The following MN1 variants were observed in gnomAD, a reference collection of about 807,000 sequenced individuals.
MN1 encodes the protein MN1 proto-oncogene, transcriptional regulator, also known as transcriptional activator MN1.
In MN1, 19 loss-of-function variants were observed where a neutral mutation model predicts 86.9. The ratio of observed to expected loss-of-function variants is 0.22; its 90% CI spans 0.15 to 0.32. The LOEUF is 0.32. MN1 is among the 10% of genes least tolerant of loss of function. The pLI is 1.00. For missense variants in MN1, 1,841 were observed against 1,862.0 expected, an observed-to-expected ratio of 0.99 and a Z score of 0.21; for synonymous variants, 928 against 849.6, an observed-to-expected ratio of 1.09 and a Z score of -1.60.
At chr22:27,791,565 C>T (rs532886510) in intron 1 of MN1, among the ~76,000 whole-genome samples, 2 of 152,154 alleles carry the variant, frequency 1.3e-5, no homozygotes, top group East Asian at 3.9e-4. Flanking sequence ...TGCAGCCCCC[C>T]ACCCCCTCCG....
At chr22:27,758,933 C>T (rs1157263306) in intron 1 of MN1, among the ~76,000 whole-genome samples, 1 of 152,206 alleles carries the variant, frequency 6.6e-6, no homozygotes, top group Non-Finnish European at 1.5e-5. Context: ...TCAAGCAATA[C>T]TCCCACCTCA....
At position 27,796,860 on chromosome 22, in the gene MN1, G is replaced by A; in HGVS notation, c.3684C>T (p.Tyr1228=). Residue 1228 remains tyrosine, a synonymous_variant, in exon 1 of 2, where the codon TAC becomes TAT. Coordinates refer to ENST00000302326, the MANE Select transcript of MN1 (RefSeq NM_002430.3). ...CCACCAGGGCCTTGTCAGCGGGCAT[G>A]TACCAGGCAGCGCTGTGCTCTGCCA... ...SLMAEHSAAW[Y]MPADKALVDS... The A allele has an allele frequency of 6.2e-7, 1 of 1,613,058 alleles. No individual in the cohort carries two copies. The highest frequency in any genetic ancestry group is 1.1e-5 in the South Asian group (1 of 91,082).
rs567717379 is a variant in MN1 at position 27,750,065 on chromosome 22, G to A, written c.*850C>T. Reference sequence around the variant, plus strand: ...CACAGCGTGAAAATGCAGGGCCTGGGCATTTGCGAGGAGGCCCAGAAAAGG... The same window carrying A: ...CACAGCGTGAAAATGCAGGGCCTGGACATTTGCGAGGAGGCCCAGAAAAGG... On this transcript the variant is annotated 3_prime_UTR_variant, in exon 2 of 2. Coordinates refer to ENST00000302326, the MANE Select transcript of MN1 (RefSeq NM_002430.3). 2.6e-5 allele frequency: 6 copies of A among 232,032 alleles called. No homozygotes were observed. In the East Asian group the frequency reaches 3.7e-4, roughly 14 times the overall value. 14.4% of individuals were successfully genotyped at this position (232,032 alleles called of 1,614,324 possible).
intron 1 of MN1, among the ~76,000 whole-genome samples, chr22:27,775,246 C>A (rs939638285): frequency 6.6e-6 from 1 of 152,218 alleles, no homozygotes; most frequent in Non-Finnish European, 1.5e-5. Context: ...ACCTGGCCCC[C>A]CGCCCTTTCG....
intron 1 of MN1, among the ~76,000 whole-genome samples, chr22:27,785,732 C>T (rs1353141783): frequency 7.7e-6 from 1 of 130,168 alleles, no homozygotes; most frequent in Non-Finnish European, 1.7e-5. Flanking sequence ...ATAGCTGATA[C>T]AGGTAACAGG....
At chr22:27,780,835 C>T (rs572949350) in intron 1 of MN1, among the ~76,000 whole-genome samples, 4 of 152,346 alleles carry the variant, frequency 2.6e-5, no homozygotes, top group East Asian at 3.9e-4. Flanking sequence ...CCACTTAGAA[C>T]AGCATCGCCA....
intron 1 of MN1, among the ~76,000 whole-genome samples, chr22:27,778,043 C>T (rs540899631): frequency 2.6e-5 from 4 of 152,164 alleles, no homozygotes; most frequent in South Asian, 4.2e-4. Flanking sequence ...GGTAACTGCC[C>T]GTGGAGAACC....
chr22:27,755,004 A>G (rs1230582251), intron 1 of MN1, among the ~76,000 whole-genome samples: 1 of 152,186 alleles, frequency 6.6e-6, no homozygotes, highest in Admixed American at 6.5e-5. Flanking sequence ...AGTTGGGTCC[A>G]GTGTACTGAC....
At chr22:27,773,549 A>G (rs1011574191) in intron 1 of MN1, among the ~76,000 whole-genome samples, 1 of 152,216 alleles carries the variant, frequency 6.6e-6, no homozygotes. Flanking sequence ...CCCATTTCAT[A>G]GCCGAGGAAA....
chr22:27,749,922 GGAAAGGGCT>G lies in MN1; in HGVS notation c.*984_*992del, dbSNP rs1932747207. The G allele has an allele frequency of 4.3e-6, 1 of 231,196 alleles. No homozygotes were observed. The highest frequency in any genetic ancestry group is 8.6e-6 in the Non-Finnish European group (1 of 116,862). 14.3% of individuals were successfully genotyped at this position (231,196 alleles called of 1,614,324 possible). A position where few individuals can be genotyped will look rare whatever the true frequency, so the allele number is the denominator to read the frequency against. On this transcript the variant is annotated 3_prime_UTR_variant, in exon 2 of 2. Coordinates refer to ENST00000302326, the MANE Select transcript of MN1 (RefSeq NM_002430.3). ...CGGCCAGGAACAGCTTTCAGAAAAG[GGAAAGGGCT>G]GAGAACAGCCTCCTCCAACTCCAGC... is the stretch of plus-strand genomic sequence containing the variant.
intron 1 of MN1, among the ~76,000 whole-genome samples, chr22:27,779,847 G>A (rs1266015106): frequency 6.6e-6 from 1 of 152,134 alleles, no homozygotes; most frequent in African/African-American, 2.4e-5. Context: ...ACCTCTGCAA[G>A]GCCTGGAGAA....
intron 1 of MN1, among the ~76,000 whole-genome samples, chr22:27,753,617 CAGA>C (rs1335147003): frequency 6.6e-6 from 1 of 152,214 alleles, no homozygotes; most frequent in African/African-American, 2.4e-5. Context: ...CCCCATTTCA[CAGA>C]AGGAGAAACT....
At chr22:27,787,015 C>T (rs1380467929) in intron 1 of MN1, among the ~76,000 whole-genome samples, 1 of 152,206 alleles carries the variant, frequency 6.6e-6, no homozygotes, top group Non-Finnish European at 1.5e-5. Flanking sequence ...AAATTGACCG[C>T]ATGGAGATCA....
rs553315532 is a variant in MN1 at position 27,796,078 on chromosome 22, A to G, written c.3781+685T>C. Reference sequence around the variant, plus strand: ...GCACTCCCCCTCCCCAACCCCACCAAATGTCAAGGGGATGCGCCCTGAAAA... The same window carrying G: ...GCACTCCCCCTCCCCAACCCCACCAGATGTCAAGGGGATGCGCCCTGAAAA... On this transcript the variant is annotated intron_variant, in intron 1 of 1. Coordinates refer to ENST00000302326, the MANE Select transcript of MN1 (RefSeq NM_002430.3). Among the ~76,000 whole-genome samples, 10 of 151,950 alleles carry G rather than the reference A, an allele frequency of 6.6e-5. No homozygotes were observed. In the East Asian group the frequency reaches 1.5e-3, roughly 24 times the overall value.
intron 1 of MN1, among the ~76,000 whole-genome samples, chr22:27,760,509 T>TAA (rs5844789): frequency 6.6e-6 from 1 of 151,416 alleles, no homozygotes; most frequent in Non-Finnish European, 1.5e-5. Flanking sequence ...ACCCTGTCTC[T>TAA]AAAAAAAATA....
At chr22:27,778,882 G>A (rs1452240585) in intron 1 of MN1, among the ~76,000 whole-genome samples, 1 of 152,216 alleles carries the variant, frequency 6.6e-6, no homozygotes, top group Non-Finnish European at 1.5e-5. Context: ...CCAGGCAAAT[G>A]CAACCTACGA....
chr22:27,776,128 T>A (rs1359274862), intron 1 of MN1, among the ~76,000 whole-genome samples: 1 of 152,234 alleles, frequency 6.6e-6, no homozygotes, highest in Non-Finnish European at 1.5e-5. Flanking sequence ...GGCAGACAAG[T>A]CCTCCGGAAT....
At chr22:27,766,214 G>T (rs537210176) in intron 1 of MN1, among the ~76,000 whole-genome samples, 1 of 152,310 alleles carries the variant, frequency 6.6e-6, no homozygotes, top group South Asian at 2.1e-4. Flanking sequence ...ACCTAAAGAT[G>T]CCACCCAAGT....
chr22:27,776,182 G>C (rs1364886081), intron 1 of MN1, among the ~76,000 whole-genome samples: 1 of 152,144 alleles, frequency 6.6e-6, no homozygotes, highest in Non-Finnish European at 1.5e-5. Context: ...CCCTGAAAGG[G>C]GCCTCTCTCC....
Sources: allele counts gnomAD v4.1 joint callset (sites outside exome capture counted in the v4.1 genomes callset), GRCh38; gene constraint gnomAD v4.1.1; transcripts MANE v1.5; gene names NCBI Gene and HGNC (gene_info 2026-07-23, HGNC 2026-07-21).